MGLL: variants seen among roughly 807,000 people sequenced by gnomAD.
MGLL encodes the protein monoglyceride lipase, also known as lysophospholipase homolog.
A neutral mutation model predicts 29.1 loss-of-function variants in MGLL; 7 were observed. That is an observed-to-expected ratio of 0.24 (90% confidence interval 0.14 to 0.45). The LOEUF (loss-of-function observed/expected upper bound fraction) is 0.45, where lower values mean the gene tolerates loss of function less well. Among genes scored for constraint, MGLL ranks in the 20% least tolerant of loss-of-function variants. The pLI, the probability that MGLL is intolerant of heterozygous loss-of-function variation, is 0.99. For missense variants in MGLL, 356 were observed against 413.6 expected (o/e 0.86, Z 1.21); for synonymous variants, 148 against 168.3 (o/e 0.88, Z 0.93).
chr3:127,737,987 C>G (rs1447805430), intron 3 of MGLL, among the ~76,000 whole-genome samples: 1 of 152,102 alleles, frequency 6.6e-6, no homozygotes, highest in Non-Finnish European at 1.5e-5. Context: ...GTAATATTAT[C>G]TAAGTAAGAA....
chr3:127,713,211 C>CA (rs1258924613), intron 5 of MGLL: 1 of 152,290 alleles, frequency 6.6e-6, no homozygotes, highest in Admixed American at 6.5e-5. Context: ...TGAAACACCA[C>CA]AAACACCTCC....
chr3:127,705,682 A>C (rs748643012), intron 6 of MGLL, among the ~76,000 whole-genome samples: 1 of 151,550 alleles, frequency 6.6e-6, no homozygotes, highest in Non-Finnish European at 1.5e-5. Context: ...AGGCTGAGGC[A>C]GGAGAATCGC....
intron 4 of MGLL, among the ~76,000 whole-genome samples, chr3:127,721,410 G>A (rs2075919674): frequency 6.6e-6 from 1 of 151,798 alleles, no homozygotes; most frequent in African/African-American, 2.4e-5. Flanking sequence ...GTTCCTGCTT[G>A]TGGGCCGCAA....
chr3:127,815,926 A>G (rs1414261877), intron 2 of MGLL, among the ~76,000 whole-genome samples: 1 of 152,204 alleles, frequency 6.6e-6, no homozygotes, highest in African/African-American at 2.4e-5. Flanking sequence ...GTAGACGTCA[A>G]TAAGGAAGTA....
At chr3:127,733,108 A>C (rs564052811) in intron 3 of MGLL, among the ~76,000 whole-genome samples, 1 of 152,236 alleles carries the variant, frequency 6.6e-6, no homozygotes, top group African/African-American at 2.4e-5. Flanking sequence ...GGCCATAAAG[A>C]CCTTGCTGAT....
chr3:127,722,665 G>A lies in MGLL; in HGVS notation c.263-99C>T, dbSNP rs186381580. On this transcript the variant is annotated intron_variant, in intron 3 of 7. Coordinates refer to ENST00000265052, the MANE Select transcript of MGLL (RefSeq NM_007283.7). ...ACTGCAATCGCTCTCTCTCCTGAGC[G>A]CCTGAATGTGTCACCTCATTTAACC... 157 of 1,508,038 alleles carry A rather than the reference G, an allele frequency of 1.0e-4. 1 individual carries two copies. In the African/African-American group the frequency reaches 1.4e-3, roughly 13 times the overall value. 93.4% of individuals were successfully genotyped at this position (1,508,038 alleles called of 1,614,324 possible). A position where few individuals can be genotyped will look rare whatever the true frequency, so the allele number is the denominator to read the frequency against.
chr3:127,721,304 CAAATGTTGGCT>C, intron 4 of MGLL, 141 bp from the exon 5 acceptor site: 1 of 672,070 alleles, frequency 1.5e-6, no homozygotes, highest in Admixed American at 2.4e-5. Flanking sequence ...GAGGCACCAT[CAAATGTTGGCT>C]AAACTAGATC....
intron 3 of MGLL, among the ~76,000 whole-genome samples, chr3:127,777,711 G>A (rs77417499): frequency 0.079 from 11,714 of 147,972 alleles, 674 homozygotes; most frequent in South Asian, 0.13. Flanking sequence ...CAGACATCAC[G>A]TGCCCTGGAA....
intron 2 of MGLL, among the ~76,000 whole-genome samples, chr3:127,793,516 G>A (rs929141403): frequency 1.3e-5 from 2 of 152,172 alleles, no homozygotes; most frequent in Admixed American, 6.5e-5. Context: ...TCAGATGTCA[G>A]TTTCTTCCCC....
chr3:127,782,246 C>A (rs533317646), intron 2 of MGLL, among the ~76,000 whole-genome samples: 27 of 152,144 alleles, frequency 1.8e-4, no homozygotes, highest in Admixed American at 1.8e-3. Flanking sequence ...AGAAAAGAAA[C>A]GCCCAGATGG....
chr3:127,767,386 C>T (rs1246187418), intron 3 of MGLL, among the ~76,000 whole-genome samples: 1 of 152,190 alleles, frequency 6.6e-6, no homozygotes, highest in East Asian at 1.9e-4. Flanking sequence ...AAATAATTAA[C>T]CAATTGTTTA....
intron 5 of MGLL, among the ~76,000 whole-genome samples, chr3:127,717,520 C>A (rs2075838574): frequency 6.6e-6 from 1 of 152,194 alleles, no homozygotes; most frequent in Admixed American, 6.5e-5. Flanking sequence ...GTGCTGGGCT[C>A]CCAGGGGCAA....
intron 3 of MGLL, among the ~76,000 whole-genome samples, chr3:127,726,997 G>A (rs1011454661): frequency 6.6e-6 from 1 of 152,162 alleles, no homozygotes; most frequent in Non-Finnish European, 1.5e-5. Context: ...TTTAGAACCA[G>A]GATGCAAAAC....
At chr3:127,699,202 TC>T (rs2075430698) in intron 6 of MGLL, among the ~76,000 whole-genome samples, 1 of 152,160 alleles carries the variant, frequency 6.6e-6, no homozygotes, top group African/African-American at 2.4e-5. Flanking sequence ...ACCAGCTGGG[TC>T]TTCTGAATTT....
intron 3 of MGLL, among the ~76,000 whole-genome samples, chr3:127,749,089 G>A (rs1035193366): frequency 1.3e-5 from 2 of 152,178 alleles, no homozygotes; most frequent in Admixed American, 1.3e-4. Context: ...CTGAAGCCTG[G>A]GTTTGGCAAT....
intron 2 of MGLL, among the ~76,000 whole-genome samples, chr3:127,797,544 C>T (rs1269528022): frequency 4.6e-5 from 7 of 152,108 alleles, no homozygotes; most frequent in Non-Finnish European, 1.0e-4. Flanking sequence ...ACATATAATG[C>T]CTAAGACATC....
chr3:127,770,459 C>G (rs779574304), intron 3 of MGLL, among the ~76,000 whole-genome samples: 3 of 152,180 alleles, frequency 2.0e-5, no homozygotes, highest in Non-Finnish European at 4.4e-5. Context: ...CTGGGACCCT[C>G]CCCACAGCCC....
intron 3 of MGLL, among the ~76,000 whole-genome samples, chr3:127,734,976 T>A (rs1302747211): frequency 2.0e-5 from 3 of 152,200 alleles, no homozygotes; most frequent in Non-Finnish European, 4.4e-5. Context: ...GTCAGGGCAA[T>A]AAGACAGACG....
intron 3 of MGLL, among the ~76,000 whole-genome samples, chr3:127,770,798 A>G (rs2076935710): frequency 6.6e-6 from 1 of 152,198 alleles, no homozygotes; most frequent in Admixed American, 6.5e-5. Context: ...TGACTTGCCC[A>G]AGGTCACAAG....
Sources: gnomAD v4.1 joint callset for allele counts (sites outside exome capture counted in the v4.1 genomes callset) on GRCh38, gnomAD v4.1.1 for gene constraint, MANE v1.5 for transcripts, NCBI Gene and HGNC (gene_info 2026-07-23, HGNC 2026-07-21) for gene names.